PTPRB: variants seen among roughly 807,000 people sequenced by gnomAD.
PTPRB encodes the protein receptor-type tyrosine-protein phosphatase beta.
Under a neutral mutation model 238.1 loss-of-function variants are expected in PTPRB, and 97 were observed. That is an observed-to-expected ratio of 0.41 (90% CI 0.35 to 0.48). The LOEUF is 0.48. PTPRB is among the 20% of genes least tolerant of loss of function. The pLI, the probability that PTPRB is intolerant of heterozygous loss-of-function variation, is 0.30. For missense variants in PTPRB, 2,292 were observed against 2,681.9 expected (o/e 0.85, Z 3.21); for synonymous variants, 970 against 995.4 (o/e 0.97, Z 0.48).
Position 70,609,284 on chromosome 12 carries a change from G to C in PTPRB, c.764C>G (p.Ser255Cys). 6.2e-7 allele frequency: 1 copy of C among 1,614,032 alleles called. No homozygotes were observed. The highest frequency in any genetic ancestry group is 8.5e-7 in the Non-Finnish European group (1 of 1,179,902). The change falls in exon 4 of 34, where the codon TCC (serine) becomes TGC (cysteine). Residue 255 changes from serine to cysteine, a missense_variant. Physicochemically the swap from Ser to Cys is moderately radical, Grantham distance 112 (BLOSUM62 -1). Coordinates refer to ENST00000334414, the MANE Select transcript of PTPRB (RefSeq NM_001109754.4). ...CNFTLAESKASSHSVSIQWRI... is the reference protein window; with the variant it reads ...CNFTLAESKACSHSVSIQWRI... ...CCACTGGATAGACACAGAATGGCTG[G>C]AGGCCTTGGACTCCGCCAGGGTGAA... is the stretch of plus-strand genomic sequence containing the variant.
chr12:70,620,903 T>G (rs1043709649), intron 3 of PTPRB, among the ~76,000 whole-genome samples: 7 of 152,234 alleles, frequency 4.6e-5, no homozygotes, highest in African/African-American at 1.7e-4. Context: ...GTACAATGTA[T>G]GTTATTTGGG....
intron 4 of PTPRB, chr12:70,608,831 C>G (rs1884181055): frequency 1.8e-6 from 1 of 567,232 alleles, no homozygotes; most frequent in Non-Finnish European, 3.0e-6. Flanking sequence ...CCCTGCACCC[C>G]ACCCCGACCC....
chr12:70,596,223 C>T lies in PTPRB; in HGVS notation c.1084G>A (p.Val362Met), dbSNP rs111846562. ...TGGTTATTTTCATCAAATAATTGCACCTCATATGAGGTGACTTTTCCGGAA... is the reference window on the plus strand; with the variant it reads ...TGGTTATTTTCATCAAATAATTGCATCTCATATGAGGTGACTTTTCCGGAA... ...PSSGKVTSYE[V>M]QLFDENNQKI... Residue 362 changes from valine (V) to methionine (M), a missense_variant, in exon 5 of 34, where the codon GTG (valine) becomes ATG (methionine). Transcript: ENST00000334414. 1 of 1,613,626 alleles carries T rather than the reference C, an allele frequency of 6.2e-7. No individual in the cohort carries two copies. Among genetic ancestry groups the T allele is most frequent in the Non-Finnish European group, 8.5e-7 (1 of 1,179,830 alleles).
At chr12:70,538,691 A>T in intron 27 of PTPRB, 1 of 552,616 alleles carries the variant, frequency 1.8e-6, no homozygotes, top group East Asian at 3.0e-5. Flanking sequence ...ATAGCATCAC[A>T]TGGGGAAATG....
chr12:70,540,854 T>C lies in PTPRB; in HGVS notation c.5594+4A>G. ...CCAATCACCAAAAGGATCTTTGTAC[T>C]TACCTCACTTTCTGTCTGCAGATCA... On this transcript the variant is annotated splice_donor_region_variant and intron_variant, in intron 23 of 33. Transcript: ENST00000334414. 2 of 1,590,820 alleles carry C rather than the reference T, an allele frequency of 1.3e-6. No individual in the cohort carries two copies. Among genetic ancestry groups the C allele is most frequent in the Non-Finnish European group, 1.7e-6 (2 of 1,167,646 alleles).
chr12:70,611,653 C>T (rs73146080), intron 3 of PTPRB, among the ~76,000 whole-genome samples: 8,621 of 152,252 alleles, frequency 0.057, 277 homozygotes, highest in Middle Eastern at 0.092. Flanking sequence ...AATGAAAAAA[C>T]GAAGTTTCTT....
intron 4 of PTPRB, among the ~76,000 whole-genome samples, chr12:70,608,343 C>T (rs1457930359): frequency 6.6e-6 from 1 of 152,120 alleles, no homozygotes; most frequent in Non-Finnish European, 1.5e-5. Context: ...CAGCCCATAC[C>T]TAAGTGTTGA....
chr12:70,588,702 T>G (rs1435194580), intron 8 of PTPRB, among the ~76,000 whole-genome samples: 1 of 151,776 alleles, frequency 6.6e-6, no homozygotes, highest in East Asian at 1.9e-4. Flanking sequence ...CCTGTGATCC[T>G]AGCACTTTGG....
At chr12:70,571,789 A>G (rs1277143775) in intron 12 of PTPRB, 35 bp downstream of exon 12, 1 of 1,591,500 alleles carries the variant, frequency 6.3e-7, no homozygotes, top group East Asian at 2.2e-5. Flanking sequence ...TTTCAAGTCC[A>G]ACCAACTGTC....
chr12:70,635,797 G>A lies in PTPRB; in HGVS notation c.325C>T (p.Leu109Phe). The A allele has an allele frequency of 1.9e-6, 3 of 1,613,730 alleles. No homozygotes were observed. ...CTGGAGCCTTGTTTCTGGAGAAAGA[G>A]AGAGGCATTTTCCACCTCAAGGAAG... ...EGFLEVENASLFLQKQGSRVV... is the reference protein window; with the variant it reads ...EGFLEVENASFFLQKQGSRVV... Residue 109 changes from leucine to phenylalanine, a missense_variant, in exon 2 of 34, where the codon CTC (leucine) becomes TTC (phenylalanine). Leu to Phe is a conservative substitution (Grantham distance 22). Transcript: ENST00000334414.
chr12:70,623,547 G>A (rs1305900220), intron 2 of PTPRB, among the ~76,000 whole-genome samples: 1 of 152,174 alleles, frequency 6.6e-6, no homozygotes, highest in East Asian at 1.9e-4. Flanking sequence ...TAGAGCACAA[G>A]TGAAGCACTG....
intron 21 of PTPRB, among the ~76,000 whole-genome samples, chr12:70,550,655 G>A (rs959157252): frequency 2.0e-5 from 3 of 152,122 alleles, no homozygotes; most frequent in Non-Finnish European, 2.9e-5. Context: ...AAAGACCTCC[G>A]CAGTTACTAT....
chr12:70,596,919 AT>A (rs11313100), intron 4 of PTPRB, among the ~76,000 whole-genome samples: 5,495 of 143,926 alleles, frequency 0.038, 283 homozygotes, highest in African/African-American at 0.12. Flanking sequence ...ATATCCCTAG[AT>A]TTTTTTTTTT....
intron 13 of PTPRB, among the ~76,000 whole-genome samples, chr12:70,570,689 T>G (rs1879929558): frequency 6.6e-6 from 1 of 152,178 alleles, no homozygotes; most frequent in African/African-American, 2.4e-5. Flanking sequence ...TCAGTACATG[T>G]TAACTACTAT....
At chr12:70,544,233 AAC>A (rs1875614606) in intron 22 of PTPRB, among the ~76,000 whole-genome samples, 1 of 152,054 alleles carries the variant, frequency 6.6e-6, no homozygotes, top group Admixed American at 6.6e-5. Flanking sequence ...TCTCACTTTT[AAC>A]TGAAAGTGTT....
At chr12:70,613,485 C>G (rs770300606) in intron 3 of PTPRB, among the ~76,000 whole-genome samples, 1 of 152,046 alleles carries the variant, frequency 6.6e-6, no homozygotes, top group Admixed American at 6.6e-5. Flanking sequence ...CCACTCCTCC[C>G]CAGGCTCTCT....
chr12:70,567,823 C>T (rs1372141905), intron 14 of PTPRB, among the ~76,000 whole-genome samples: 1 of 152,166 alleles, frequency 6.6e-6, no homozygotes, highest in Non-Finnish European at 1.5e-5. Flanking sequence ...TACCTGGCCA[C>T]ATGCCTCACA....
At chr12:70,626,411 C>CT (rs1183409982) in intron 2 of PTPRB, among the ~76,000 whole-genome samples, 1 of 150,768 alleles carries the variant, frequency 6.6e-6, no homozygotes, top group Non-Finnish European at 1.5e-5. Context: ...GCCTACCTAC[C>CT]TACCTACCTA....
intron 3 of PTPRB, among the ~76,000 whole-genome samples, chr12:70,621,685 T>C (rs1032591826): frequency 6.6e-6 from 1 of 152,208 alleles, no homozygotes; most frequent in Non-Finnish European, 1.5e-5. Flanking sequence ...CTATAAATGA[T>C]TTGGGTTGTT....
Sources: gnomAD v4.1 joint callset for allele counts (sites outside exome capture counted in the v4.1 genomes callset) on GRCh38, gnomAD v4.1.1 for gene constraint, MANE v1.5 for transcripts, NCBI Gene and HGNC (gene_info 2026-07-23, HGNC 2026-07-21) for gene names.